RFX3: variants seen among roughly 807,000 people sequenced by gnomAD.
The protein encoded by RFX3 is transcription factor RFX3.
In RFX3, 14 loss-of-function variants were observed where a neutral mutation model predicts 98.6. The observed-to-expected ratio is 0.14, with a 90% CI of 0.09 to 0.22. The LOEUF is 0.22. Among genes scored for constraint, RFX3 ranks in the 10% least tolerant of loss-of-function variants. The probability of loss-of-function intolerance (pLI) is 1.00; values close to 1 mark genes in which losing one functional copy is unlikely to be tolerated. For missense variants in RFX3, 639 were observed against 926.9 expected, an observed-to-expected ratio of 0.69 and a Z score of 4.03; for synonymous variants, 383 against 328.4, an observed-to-expected ratio of 1.17 and a Z score of -1.80.
intron 1 of RFX3, among the ~76,000 whole-genome samples, chr9:3,490,956 T>C (rs951411948): frequency 4.6e-5 from 7 of 152,172 alleles, no homozygotes; most frequent in Non-Finnish European, 1.0e-4. Context: ...TGTTTATGTA[T>C]GTTCCCTAAA....
chr9:3,292,823 T>C (rs145452249), intron 6 of RFX3, among the ~76,000 whole-genome samples: 2 of 152,300 alleles, frequency 1.3e-5, no homozygotes, highest in East Asian at 1.9e-4. Flanking sequence ...GGTCTGCTAA[T>C]TTCTATGTAG....
chr9:3,449,126 C>T (rs998018771), intron 1 of RFX3, among the ~76,000 whole-genome samples: 10 of 152,112 alleles, frequency 6.6e-5, no homozygotes, highest in Admixed American at 2.0e-4. Flanking sequence ...GCTAATAATA[C>T]CCTCCCTCAA....
At chr9:3,495,308 T>C (rs1587856731) in intron 1 of RFX3, among the ~76,000 whole-genome samples, 1 of 152,088 alleles carries the variant, frequency 6.6e-6, no homozygotes, top group East Asian at 1.9e-4. Flanking sequence ...GCATAAAAGG[T>C]AAAATTATGT....
At chr9:3,262,591 A>G (rs1233243244) in intron 13 of RFX3, among the ~76,000 whole-genome samples, 1 of 152,222 alleles carries the variant, frequency 6.6e-6, no homozygotes, top group African/African-American at 2.4e-5. Flanking sequence ...TAGAGCAGTT[A>G]AGTAACGCAA....
At chr9:3,251,739 GAGTC>G (rs568193947) in intron 14 of RFX3, among the ~76,000 whole-genome samples, 4 of 152,216 alleles carry the variant, frequency 2.6e-5, no homozygotes, top group East Asian at 1.9e-4. Flanking sequence ...AAACAATACT[GAGTC>G]AGGTGAATGT....
chr9:3,225,586 G>A (rs1043159892), intron 16 of RFX3, among the ~76,000 whole-genome samples: 26 of 152,080 alleles, frequency 1.7e-4, no homozygotes, highest in African/African-American at 5.3e-4. Flanking sequence ...TTAAATAATG[G>A]CATAATTTGT....
At chr9:3,470,351 G>A (rs374151450) in intron 1 of RFX3, among the ~76,000 whole-genome samples, 2 of 138,878 alleles carry the variant, frequency 1.4e-5, no homozygotes, top group African/African-American at 5.4e-5. Flanking sequence ...GTCTCACTCT[G>A]TCGCCCAGGC....
intron 1 of RFX3, among the ~76,000 whole-genome samples, chr9:3,414,290 A>C (rs994630236): frequency 2.0e-5 from 3 of 152,092 alleles, no homozygotes; most frequent in Non-Finnish European, 4.4e-5. Flanking sequence ...AAAGAAACAA[A>C]ATTTGTGTTC....
At chr9:3,303,432 T>C (rs114932081) in intron 4 of RFX3, among the ~76,000 whole-genome samples, 3,215 of 152,026 alleles carry the variant, frequency 0.021, 118 homozygotes, top group African/African-American at 0.073. Context: ...CCATTATACC[T>C]ATATTTTCTT....
intron 1 of RFX3, among the ~76,000 whole-genome samples, chr9:3,475,305 A>T (rs1241947983): frequency 6.6e-6 from 1 of 151,962 alleles, no homozygotes; most frequent in South Asian, 2.1e-4. Flanking sequence ...AAAGAGATAA[A>T]AGAAAAGACA....
intron 1 of RFX3, among the ~76,000 whole-genome samples, chr9:3,467,251 TATACATATATATGTAC>T (rs1848379671): frequency 6.9e-6 from 1 of 145,440 alleles, no homozygotes; most frequent in South Asian, 2.1e-4. Flanking sequence ...ATATATTATA[TATACATATATATGTAC>T]ATACATACAT....
intron 4 of RFX3, among the ~76,000 whole-genome samples, chr9:3,321,089 G>T (rs3012707): frequency 0.12 from 18,348 of 151,618 alleles, 1,168 homozygotes; most frequent in Middle Eastern, 0.19. Context: ...TTTTAGTGGA[G>T]ATGGGGTTTT....
intron 4 of RFX3, among the ~76,000 whole-genome samples, chr9:3,318,031 C>T (rs1349565700): frequency 1.3e-5 from 2 of 152,170 alleles, no homozygotes; most frequent in Non-Finnish European, 2.9e-5. Context: ...GGTACGTACC[C>T]AAAGGAGTAT....
intron 8 of RFX3, among the ~76,000 whole-genome samples, chr9:3,276,978 A>G (rs1295091407): frequency 6.6e-6 from 1 of 152,034 alleles, no homozygotes; most frequent in East Asian, 1.9e-4. Flanking sequence ...GCCTGTGCAT[A>G]TATAACTTTA....
At chr9:3,402,647 C>T (rs535663915) in intron 1 of RFX3, among the ~76,000 whole-genome samples, 1 of 151,738 alleles carries the variant, frequency 6.6e-6, no homozygotes, top group African/African-American at 2.4e-5. Context: ...TGAAGTTCTG[C>T]AGCATTTATA....
intron 1 of RFX3, among the ~76,000 whole-genome samples, chr9:3,468,815 GAAAAAAA>G (rs34057815): frequency 1.9e-3 from 158 of 84,284 alleles, no homozygotes; most frequent in African/African-American, 4.0e-3. Context: ...TTTTCCTTTT[GAAAAAAA>G]AAAAAAAAAG....
chr9:3,299,485 G>T (rs189442676), intron 5 of RFX3, among the ~76,000 whole-genome samples: 1 of 151,622 alleles, frequency 6.6e-6, no homozygotes, highest in Non-Finnish European at 1.5e-5. Context: ...ATATATTTTT[G>T]AATGAACTTC....
chr9:3,297,209 C>T (rs144034562), intron 5 of RFX3, among the ~76,000 whole-genome samples: 4 of 151,932 alleles, frequency 2.6e-5, no homozygotes, highest in East Asian at 1.9e-4. Flanking sequence ...TAATTTAGAA[C>T]GAAACAATTA....
rs1318249489 is a variant in RFX3, at chr9:3,366,704, TTCTTTCTTTCTTTC to T, written c.118-19954_118-19941del. On this transcript the variant is annotated intron_variant, in intron 2 of 16. Coordinates refer to ENST00000617270, the MANE Select transcript of RFX3 (RefSeq NM_001282116.2). ...TTTCTTCTTTCTTTCCTTTCTTTCT[TTCTTTCTTTCTTTC>T]TTTCTTTCTTTCTTTCTTTCTTTCT... Among the ~76,000 whole-genome samples the T allele has an allele frequency of 3.7e-4, 44 of 118,036 alleles. 1 individual carries two copies. Among genetic ancestry groups the T allele is most frequent in the Admixed American group, 2.6e-4 (3 of 11,592 alleles). 77.4% of individuals were successfully genotyped at this position (118,036 alleles called of 152,430 possible). A position where few individuals can be genotyped will look rare whatever the true frequency, so the allele number is the denominator to read the frequency against.
Sources: gnomAD v4.1 joint callset for allele counts (sites outside exome capture counted in the v4.1 genomes callset) on GRCh38, gnomAD v4.1.1 for gene constraint, MANE v1.5 for transcripts, NCBI Gene and HGNC (gene_info 2026-07-23, HGNC 2026-07-21) for gene names.